The following TMEM135 variants were observed in gnomAD, a reference collection of about 807,000 sequenced individuals.
The protein encoded by TMEM135 is transmembrane protein 135, also known as peroxisomal membrane protein 52.
A neutral mutation model predicts 60.3 loss-of-function variants in TMEM135; 30 were observed. The observed-to-expected ratio is 0.50, with a 90% confidence interval of 0.37 to 0.68. The LOEUF (loss-of-function observed/expected upper bound fraction) is 0.68, where lower values mean the gene tolerates loss of function less well. TMEM135 is among the 30% of genes least tolerant of loss of function. The pLI is 0.00. For missense variants in TMEM135, 468 were observed against 548.8 expected (o/e 0.85, Z 1.47); for synonymous variants, 190 against 186.7 (o/e 1.02, Z -0.14).
chr11:87,265,913 T>G (rs1941738901), intron 6 of TMEM135, among the ~76,000 whole-genome samples: 1 of 152,160 alleles, frequency 6.6e-6, no homozygotes, highest in East Asian at 1.9e-4. Flanking sequence ...ATTTAAGATC[T>G]CTTTACGTGC....
At chr11:87,045,559 T>C (rs1043627382) in intron 1 of TMEM135, among the ~76,000 whole-genome samples, 7 of 152,210 alleles carry the variant, frequency 4.6e-5, no homozygotes, top group South Asian at 2.1e-4. Context: ...AAAATACATA[T>C]TGGTAGAAAG....
Position 87,328,668 on chromosome 11 carries a change from A to G in TMEM135, c.*7335A>G, listed in dbSNP as rs193162678. 1 of 454,086 alleles carries G rather than the reference A, an allele frequency of 2.2e-6. No homozygotes were observed. The highest frequency in any genetic ancestry group is 2.3e-5 in the Admixed American group (1 of 42,574). The allele number at this position is 454,086 out of a possible 1,614,324, so 28.1% of individuals were successfully genotyped here. A position where few individuals can be genotyped will look rare whatever the true frequency, so the allele number is the denominator to read the frequency against. ...CTCCATCCAAGATGCTGCAAAAGAC[A>G]TTATTTCATCTTTTATTTTTTATGG... On this transcript the variant is annotated 3_prime_UTR_variant, in exon 15 of 15. Transcript: ENST00000305494.
At chr11:87,045,583 G>A (rs1279713228) in intron 1 of TMEM135, among the ~76,000 whole-genome samples, 1 of 152,200 alleles carries the variant, frequency 6.6e-6, no homozygotes, top group Non-Finnish European at 1.5e-5. Context: ...CCCACCTGGA[G>A]GAATGAGGGA....
intron 6 of TMEM135, among the ~76,000 whole-genome samples, chr11:87,292,533 T>G (rs1446538509): frequency 6.6e-6 from 1 of 152,210 alleles, no homozygotes; most frequent in Non-Finnish European, 1.5e-5. Flanking sequence ...TCTGCTTTGT[T>G]TAAATCTTTA....
At chr11:87,179,462 G>T (rs898517903) in intron 5 of TMEM135, among the ~76,000 whole-genome samples, 3 of 151,970 alleles carry the variant, frequency 2.0e-5, no homozygotes, top group African/African-American at 7.3e-5. Flanking sequence ...CTAGTTGGGG[G>T]TCACAAAGAT....
chr11:87,063,794 T>G (rs746285005), intron 1 of TMEM135, among the ~76,000 whole-genome samples: 3 of 152,232 alleles, frequency 2.0e-5, no homozygotes, highest in Non-Finnish European at 2.9e-5. Context: ...TTCCTGTTTC[T>G]CACAATAGAC....
intron 6 of TMEM135, among the ~76,000 whole-genome samples, chr11:87,258,311 C>T (rs1326033697): frequency 6.6e-6 from 1 of 151,948 alleles, no homozygotes; most frequent in East Asian, 1.9e-4. Context: ...AGGAAATGAG[C>T]TCCTGCTCTG....
At chr11:87,079,234 G>A (rs1031133693) in intron 3 of TMEM135, among the ~76,000 whole-genome samples, 2 of 152,048 alleles carry the variant, frequency 1.3e-5, no homozygotes, top group East Asian at 3.9e-4. Flanking sequence ...TTGAACTCCC[G>A]ACCTCAGGTG....
intron 6 of TMEM135, among the ~76,000 whole-genome samples, chr11:87,253,714 T>C (rs1941468248): frequency 1.4e-5 from 1 of 71,554 alleles, no homozygotes; most frequent in African/African-American, 5.4e-5. Context: ...TGTACACTTC[T>C]AACCTGATGG....
intron 4 of TMEM135, among the ~76,000 whole-genome samples, chr11:87,120,452 T>C (rs1858022334): frequency 6.7e-6 from 1 of 148,482 alleles, no homozygotes; most frequent in South Asian, 2.1e-4. Context: ...TATAATAAAA[T>C]ATAGCATGAG....
At chr11:87,119,884 T>A (rs868289769) in intron 4 of TMEM135, among the ~76,000 whole-genome samples, 9,845 of 145,804 alleles carry the variant, frequency 0.068, 414 homozygotes, top group South Asian at 0.13. Context: ...CTTTACTTTT[T>A]TAAAAAAAAA....
Position 87,075,888 on chromosome 11 carries a change from G to GTC in TMEM135, c.362+4289_362+4290dup, listed in dbSNP as rs34170606. Among the ~76,000 whole-genome samples the GTC allele has an allele frequency of 3.6e-3, 550 of 150,936 alleles. 3 individuals carry two copies. Among genetic ancestry groups the GTC allele is most frequent in the African/African-American group, 0.012 (486 of 41,190 alleles). On this transcript the variant is annotated intron_variant, in intron 3 of 14. Transcript: ENST00000305494. ...CCTTACTTTCTCCTAAATAAACAGG[G>GTC]TCTCTCTCTCTCTCTCTGTGTGCTG... is the stretch of plus-strand genomic sequence containing the variant.
intron 12 of TMEM135, among the ~76,000 whole-genome samples, chr11:87,316,723 G>A (rs1372374625): frequency 6.6e-6 from 1 of 151,874 alleles, no homozygotes; most frequent in Non-Finnish European, 1.5e-5. Flanking sequence ...TAACACAAGA[G>A]GAAACCAATA....
At chr11:87,269,493 C>G (rs890071712) in intron 6 of TMEM135, among the ~76,000 whole-genome samples, 2 of 151,758 alleles carry the variant, frequency 1.3e-5, no homozygotes, top group Non-Finnish European at 2.9e-5. Context: ...TATCCCTCCC[C>G]CCTCCTCCCA....
chr11:87,123,915 T>C (rs769588562), intron 4 of TMEM135, among the ~76,000 whole-genome samples: 1 of 152,214 alleles, frequency 6.6e-6, no homozygotes, highest in African/African-American at 2.4e-5. Flanking sequence ...ATTATTAAAT[T>C]TACTTGCTCA....
intron 5 of TMEM135, among the ~76,000 whole-genome samples, chr11:87,166,126 G>C (rs1199288530): frequency 1.3e-5 from 2 of 151,650 alleles, no homozygotes; most frequent in Non-Finnish European, 2.9e-5. Flanking sequence ...GTCTTCTTTT[G>C]AGAAGTGTCT....
intron 3 of TMEM135, among the ~76,000 whole-genome samples, chr11:87,075,943 C>T (rs1192062611): frequency 6.6e-6 from 1 of 152,134 alleles, no homozygotes; most frequent in Non-Finnish European, 1.5e-5. Flanking sequence ...TGAGGTGACA[C>T]AAGCATCCCT....
chr11:87,079,417 C>A (rs1045345965), intron 3 of TMEM135, among the ~76,000 whole-genome samples: 25 of 152,120 alleles, frequency 1.6e-4, no homozygotes, highest in African/African-American at 5.3e-4. Context: ...TTTTAAATTT[C>A]ATTTTCCACA....
chr11:87,169,801 G>T (rs545946730), intron 5 of TMEM135, among the ~76,000 whole-genome samples: 22 of 152,116 alleles, frequency 1.4e-4, no homozygotes, highest in African/African-American at 5.1e-4. Context: ...TTCTCGAGGA[G>T]TATCTTTGTG....
Sources: gnomAD v4.1 joint callset for allele counts (sites outside exome capture counted in the v4.1 genomes callset) on GRCh38, gnomAD v4.1.1 for gene constraint, MANE v1.5 for transcripts, NCBI Gene and HGNC (gene_info 2026-07-23, HGNC 2026-07-21) for gene names.